OR3A2: variants seen among roughly 807,000 people sequenced by gnomAD.
OR3A2 encodes the protein olfactory receptor 3A2.
For synonymous variants in OR3A2, 126 were observed against 159.3 expected (o/e 0.79, Z 1.57); for missense variants, 318 against 392.8 (o/e 0.81, Z 1.61).
chr17:3,279,010 GCCCCGTGGCGAGT>G, intron 1 of OR3A2, 53 bp downstream of exon 4: 1 of 1,549,778 alleles, frequency 6.5e-7, no homozygotes, highest in Non-Finnish European at 8.7e-7. Flanking sequence ...TATGTTCAAA[GCCCCGTGGCGAGT>G]CCCCAGGCCA....
At chr17:3,358,849 TTGA>T (rs1395464562) in intron 2 of OR3A2, among the ~76,000 whole-genome samples, 3 of 151,746 alleles carry the variant, frequency 2.0e-5, no homozygotes, top group Non-Finnish European at 2.9e-5. Flanking sequence ...ATTTTCTGCC[TTGA>T]TGATCTGTCT....
intron 2 of OR3A2, among the ~76,000 whole-genome samples, chr17:3,350,682 A>T (rs1177553262): frequency 1.3e-5 from 2 of 150,938 alleles, no homozygotes; most frequent in African/African-American, 4.9e-5. Context: ...AACTCATTTT[A>T]TGAGGCCAGC....
intron 2 of OR3A2, among the ~76,000 whole-genome samples, chr17:3,354,945 G>T (rs1374840644): frequency 2.0e-5 from 3 of 151,042 alleles, no homozygotes; most frequent in Admixed American, 6.6e-5. Flanking sequence ...CATAGGTTTT[G>T]GTATGTTGTG....
chr17:3,373,722 CTTT>C (rs1283274323), intron 2 of OR3A2, among the ~76,000 whole-genome samples: 2 of 152,034 alleles, frequency 1.3e-5, no homozygotes, highest in Non-Finnish European at 2.9e-5. Flanking sequence ...ACAGAAGATA[CTTT>C]TTTGGTGGAT....
intron 2 of OR3A2, among the ~76,000 whole-genome samples, chr17:3,337,417 C>T (rs1175402546): frequency 6.6e-6 from 1 of 152,142 alleles, no homozygotes; most frequent in Non-Finnish European, 1.5e-5. Flanking sequence ...AATGTCATCC[C>T]TCCCCCATCC....
intron 1 of OR3A2, 72 bp from the exon 4 acceptor site, chr17:3,279,225 G>C (rs2048763054): frequency 4.3e-6 from 2 of 460,904 alleles, no homozygotes; most frequent in Non-Finnish European, 7.6e-6. Flanking sequence ...GATTACAGCT[G>C]TCCTCGCCAC....
At chr17:3,367,610 TATA>T (rs2049576355) in intron 2 of OR3A2, among the ~76,000 whole-genome samples, 1 of 136,568 alleles carries the variant, frequency 7.3e-6, no homozygotes, top group African/African-American at 3.0e-5. Flanking sequence ...TGTATATATA[TATA>T]TATATATATG....
intron 3 of OR3A2, chr17:3,298,464 AGGTT>A (rs1051144930): frequency 2.0e-5 from 3 of 152,188 alleles, no homozygotes; most frequent in African/African-American, 4.8e-5. Context: ...CCAGGCAGGA[AGGTT>A]GGATTCTCTG....
chr17:3,346,197 T>C (rs2049362517), intron 2 of OR3A2, among the ~76,000 whole-genome samples: 1 of 152,224 alleles, frequency 6.6e-6, no homozygotes, highest in South Asian at 2.1e-4. Context: ...CAGGACTTCT[T>C]ACTTTTTAAG....
At chr17:3,303,742 T>C (rs1597328283) in intron 3 of OR3A2, among the ~76,000 whole-genome samples, 1 of 35,286 alleles carries the variant, frequency 2.8e-5, no homozygotes, top group Non-Finnish European at 5.4e-5. Context: ...AGACTTCATC[T>C]CAAAAAAAAA....
At chr17:3,366,078 G>A (rs1045502597) in intron 2 of OR3A2, among the ~76,000 whole-genome samples, 3 of 152,152 alleles carry the variant, frequency 2.0e-5, no homozygotes, top group Admixed American at 6.5e-5. Context: ...ACTAGTTAGC[G>A]GAAAACGTCT....
intron 1 of OR3A2, among the ~76,000 whole-genome samples, chr17:3,281,154 G>A (rs181266626): frequency 1.3e-4 from 20 of 151,966 alleles, no homozygotes; most frequent in South Asian, 2.1e-4. Flanking sequence ...TTATGTGGGA[G>A]CCCCCAAAAC....
At chr17:3,384,336 A>G (rs1164689406) in intron 1 of OR3A2, among the ~76,000 whole-genome samples, 1 of 152,178 alleles carries the variant, frequency 6.6e-6, no homozygotes, top group Non-Finnish European at 1.5e-5. Context: ...TCTCCAGTTG[A>G]TTTTGTGCAC....
chr17:3,384,841 C>A (rs1268474093), intron 1 of OR3A2, among the ~76,000 whole-genome samples: 1 of 151,944 alleles, frequency 6.6e-6, no homozygotes, highest in Non-Finnish European at 1.5e-5. Context: ...GTTGTTGCAA[C>A]AAGACCATAT....
intron 3 of OR3A2, among the ~76,000 whole-genome samples, chr17:3,303,934 T>TTA (rs35478727): frequency 0.37 from 53,973 of 144,146 alleles, 10,531 homozygotes; most frequent in Admixed American, 0.5. Flanking sequence ...AATATATATA[T>TTA]TATATATATA....
intron 3 of OR3A2, among the ~76,000 whole-genome samples, chr17:3,332,304 C>T (rs9910898): frequency 0.15 from 22,963 of 152,118 alleles, 2,305 homozygotes; most frequent in African/African-American, 0.28. Flanking sequence ...GCGCCCCTCC[C>T]CCAGCCTCGC....
At chr17:3,294,125 TAAC>T (rs918873161) in intron 3 of OR3A2, among the ~76,000 whole-genome samples, 52 of 150,846 alleles carry the variant, frequency 3.4e-4, no homozygotes, top group African/African-American at 1.1e-3. Flanking sequence ...AATAAAATAA[TAAC>T]AATAAAAAAG....
rs538373292 is a variant in OR3A2 at position 3,354,874 on chromosome 17, T to C, written c.-178-18748A>G. On this transcript the variant is annotated intron_variant, in intron 2 of 4. Transcript: ENST00000573491. ...GGCTATTTATTTGAAGTTTTTCTTC[T>C]GTTTTGAGGTAGGCATTTATACCTA... 8.6e-5 allele frequency among the ~76,000 whole-genome samples: 13 copies of C among 151,516 alleles called. No individual in the cohort carries two copies. In the East Asian group the frequency reaches 2.5e-3, roughly 29 times the overall value.
At chr17:3,386,275 G>A (rs769692333) in exon 1 of OR3A2, 4 of 398,522 alleles carry the variant, frequency 1.0e-5, no homozygotes, top group Non-Finnish European at 1.8e-5. Context: ...CTACCTCCTG[G>A]CGGCCATGTC....
Sources: allele counts gnomAD v4.1 joint callset (sites outside exome capture counted in the v4.1 genomes callset), GRCh38; gene constraint gnomAD v4.1.1; transcripts MANE v1.5; gene names NCBI Gene and HGNC (gene_info 2026-07-23, HGNC 2026-07-21).